The following PTPRM variants were observed in gnomAD, a reference collection of about 807,000 sequenced individuals.
The protein encoded by PTPRM is protein tyrosine phosphatase receptor type M.
In PTPRM, 47 loss-of-function variants were observed where a neutral mutation model predicts 186.7. That is an observed-to-expected ratio of 0.25 (90% CI 0.20 to 0.32). PTPRM has a LOEUF of 0.32. PTPRM is among the 10% of genes least tolerant of loss of function. PTPRM has a pLI of 1.00. For missense variants in PTPRM, 1,494 were observed against 1,865.0 expected (o/e 0.80, Z 3.66); for synonymous variants, 668 against 674.9 (o/e 0.99, Z 0.16).
chr18:8,165,579 C>T (rs534660847), intron 14 of PTPRM, among the ~76,000 whole-genome samples: 7 of 152,266 alleles, frequency 4.6e-5, no homozygotes, highest in African/African-American at 1.7e-4. Context: ...CAGCGTGTAC[C>T]GCCAAAACAC....
intron 11 of PTPRM, among the ~76,000 whole-genome samples, chr18:8,110,690 G>T (rs775110539): frequency 6.6e-6 from 1 of 152,130 alleles, no homozygotes; most frequent in African/African-American, 2.4e-5. Context: ...TTCAGATATA[G>T]AATTGAGGAA....
chr18:8,347,441 G>A (rs2095511170), intron 23 of PTPRM, among the ~76,000 whole-genome samples: 1 of 152,150 alleles, frequency 6.6e-6, no homozygotes, highest in South Asian at 2.1e-4. Context: ...AAAGAAAATT[G>A]TGCTGTAAAA....
intron 1 of PTPRM, among the ~76,000 whole-genome samples, chr18:7,574,475 T>C (rs1026206261): frequency 6.6e-6 from 1 of 152,362 alleles, no homozygotes; most frequent in South Asian, 2.1e-4. Context: ...TATTGAAATA[T>C]TTAATTCAAA....
intron 7 of PTPRM, among the ~76,000 whole-genome samples, chr18:8,053,090 A>G (rs548305587): frequency 1.3e-5 from 2 of 152,196 alleles, no homozygotes; most frequent in South Asian, 2.1e-4. Flanking sequence ...GTGGTTGCCA[A>G]TGTCTTCTAT....
chr18:7,960,754 C>T (rs889107408), intron 7 of PTPRM, among the ~76,000 whole-genome samples: 2 of 151,278 alleles, frequency 1.3e-5, no homozygotes, highest in East Asian at 1.9e-4. Context: ...AACCCTGTCT[C>T]TAATATATAT....
chr18:7,946,053 A>G (rs2052502347), intron 5 of PTPRM, among the ~76,000 whole-genome samples: 1 of 152,198 alleles, frequency 6.6e-6, no homozygotes, highest in Non-Finnish European at 1.5e-5. Context: ...ATGACTCACT[A>G]GAGTCACGCA....
At chr18:7,871,545 A>G (rs899992580) in intron 2 of PTPRM, among the ~76,000 whole-genome samples, 1 of 152,178 alleles carries the variant, frequency 6.6e-6, no homozygotes, top group African/African-American at 2.4e-5. Context: ...GCCCAATGTC[A>G]GTGTCTGTTC....
intron 7 of PTPRM, among the ~76,000 whole-genome samples, chr18:8,018,559 A>G (rs1012977748): frequency 3.3e-5 from 5 of 152,188 alleles, no homozygotes; most frequent in African/African-American, 1.2e-4. Context: ...AAAAATAATC[A>G]ATCCACAATA....
At chr18:8,336,737 T>C (rs1163984032) in intron 22 of PTPRM, among the ~76,000 whole-genome samples, 4 of 151,464 alleles carry the variant, frequency 2.6e-5, no homozygotes, top group African/African-American at 4.9e-5. Context: ...TTCAGCACTT[T>C]GGGAGGCTGA....
In PTPRM at chr18:8,209,721, G is replaced by T. The variant is rs146410319; in HGVS notation, c.2301-34337G>T. Reference sequence around the variant, plus strand: ...CTAATCCAATATTTTATAAGGACAAGAACAGAAAACCAGACACCGCAGGTT... The same window carrying T: ...CTAATCCAATATTTTATAAGGACAATAACAGAAAACCAGACACCGCAGGTT... On this transcript the variant is annotated intron_variant, in intron 14 of 32. Transcript: ENST00000580170. Among the ~76,000 whole-genome samples the T allele has an allele frequency of 1.6e-3, 245 of 152,078 alleles. 4 individuals are homozygous for T. In the East Asian group the frequency reaches 0.023, roughly 14 times the overall value.
intron 11 of PTPRM, among the ~76,000 whole-genome samples, chr18:8,102,520 T>A: frequency 6.6e-6 from 1 of 152,222 alleles, no homozygotes; most frequent in East Asian, 1.9e-4. Context: ...AGAAACCACT[T>A]TCTTTGCTTA....
chr18:7,760,815 G>C (rs2041735301), intron 1 of PTPRM, among the ~76,000 whole-genome samples: 1 of 152,166 alleles, frequency 6.6e-6, no homozygotes, highest in Admixed American at 6.5e-5. Context: ...TAAGTTGATA[G>C]GGTTGGACTC....
intron 4 of PTPRM, among the ~76,000 whole-genome samples, chr18:7,915,322 G>T (rs573377237): frequency 9.2e-5 from 14 of 152,268 alleles, no homozygotes; most frequent in Non-Finnish European, 1.8e-4. Flanking sequence ...AGGGTATCCA[G>T]GAGACAAGTG....
At chr18:8,273,278 C>A (rs2094794221) in intron 19 of PTPRM, among the ~76,000 whole-genome samples, 1 of 152,142 alleles carries the variant, frequency 6.6e-6, no homozygotes, top group Admixed American at 6.5e-5. Flanking sequence ...CCCACCCTAC[C>A]TTTTCTTCCC....
chr18:8,135,543 C>T (rs891343063), intron 13 of PTPRM, among the ~76,000 whole-genome samples: 18 of 152,180 alleles, frequency 1.2e-4, no homozygotes, highest in Non-Finnish European at 2.5e-4. Context: ...CCAAATGATT[C>T]TTCACCCAGC....
chr18:7,733,219 A>G (rs568084647), intron 1 of PTPRM, among the ~76,000 whole-genome samples: 1 of 152,110 alleles, frequency 6.6e-6, no homozygotes, highest in East Asian at 1.9e-4. Flanking sequence ...TATTTGTCCT[A>G]ATGCTCCCTT....
chr18:8,236,835 T>G (rs1457940902), intron 14 of PTPRM, among the ~76,000 whole-genome samples: 1 of 152,208 alleles, frequency 6.6e-6, no homozygotes, highest in Non-Finnish European at 1.5e-5. Flanking sequence ...AGCCACCTAG[T>G]GCATAGCCTA....
chr18:7,880,473 C>T (rs2048450628), intron 2 of PTPRM, among the ~76,000 whole-genome samples: 3 of 152,124 alleles, frequency 2.0e-5, no homozygotes, highest in Non-Finnish European at 2.9e-5. Flanking sequence ...GTCTTATTCC[C>T]TAGTGGCTGA....
chr18:7,980,322 T>G (rs1472691068), intron 7 of PTPRM, among the ~76,000 whole-genome samples: 1 of 152,130 alleles, frequency 6.6e-6, no homozygotes, highest in African/African-American at 2.4e-5. Flanking sequence ...TGGCTCCTTA[T>G]TGCACCCATG....
Sources: allele counts gnomAD v4.1 joint callset (sites outside exome capture counted in the v4.1 genomes callset), GRCh38; gene constraint gnomAD v4.1.1; transcripts MANE v1.5; gene names NCBI Gene and HGNC (gene_info 2026-07-23, HGNC 2026-07-21).